Variants in MAML3 observed in about 807,000 individuals in gnomAD.
MAML3 encodes mastermind-like protein 3.
A neutral mutation model predicts 101.9 loss-of-function variants in MAML3; 27 were observed. That is an observed-to-expected ratio of 0.27 (90% CI 0.20 to 0.37). The LOEUF (loss-of-function observed/expected upper bound fraction) is 0.37. Among genes scored for constraint, MAML3 ranks in the 10% least tolerant of loss-of-function variants. MAML3 has a pLI of 1.00. For missense variants in MAML3, 1,316 were observed against 1,444.9 expected, an observed-to-expected ratio of 0.91 and a Z score of 1.45; for synonymous variants, 501 against 555.9, an observed-to-expected ratio of 0.90 and a Z score of 1.39.
At chr4:139,873,044 T>C (rs1009251824) in intron 2 of MAML3, among the ~76,000 whole-genome samples, 2 of 152,094 alleles carry the variant, frequency 1.3e-5, no homozygotes, top group African/African-American at 4.8e-5. Context: ...ATTGTGCCAC[T>C]GCACTCCAGC....
At chr4:139,832,281 T>TA (rs1731181618) in intron 2 of MAML3, among the ~76,000 whole-genome samples, 1 of 143,542 alleles carries the variant, frequency 7.0e-6, no homozygotes, top group African/African-American at 2.9e-5. Context: ...TTTTTTTTTT[T>TA]ATTTTTATTT....
chr4:139,868,077 G>A (rs191321603), intron 2 of MAML3, among the ~76,000 whole-genome samples: 2 of 152,354 alleles, frequency 1.3e-5, no homozygotes, highest in Admixed American at 1.3e-4. Flanking sequence ...GGGAAACAGG[G>A]AAACACATCT....
chr4:140,050,529 C>G (rs1303420993), intron 1 of MAML3, among the ~76,000 whole-genome samples: 1 of 151,564 alleles, frequency 6.6e-6, no homozygotes, highest in Non-Finnish European at 1.5e-5. Flanking sequence ...AGCTGTACAT[C>G]CTCGCACCGC....
At chr4:140,131,673 T>C (rs1728796722) in intron 1 of MAML3, among the ~76,000 whole-genome samples, 1 of 152,224 alleles carries the variant, frequency 6.6e-6, no homozygotes, top group Admixed American at 6.5e-5. Flanking sequence ...CTCTTCCATC[T>C]AGCTCTCCCC....
At chr4:139,782,854 T>C (rs978886069) in intron 2 of MAML3, among the ~76,000 whole-genome samples, 10 of 152,160 alleles carry the variant, frequency 6.6e-5, no homozygotes, top group African/African-American at 1.9e-4. Flanking sequence ...GGAATCACCT[T>C]TCACCTAAAA....
At chr4:140,118,297 T>G (rs1173592852) in intron 1 of MAML3, among the ~76,000 whole-genome samples, 1 of 152,080 alleles carries the variant, frequency 6.6e-6, no homozygotes, top group Non-Finnish European at 1.5e-5. Context: ...ATCCAGTCAC[T>G]TAGCCTCTCT....
At chr4:139,839,559 G>A (rs112038422) in intron 2 of MAML3, among the ~76,000 whole-genome samples, 3 of 151,800 alleles carry the variant, frequency 2.0e-5, no homozygotes, top group African/African-American at 4.8e-5. Context: ...CAGATATGCA[G>A]CGTGTGTGTA....
intron 1 of MAML3, among the ~76,000 whole-genome samples, chr4:140,070,486 A>C (rs2110952515): frequency 6.6e-6 from 1 of 152,336 alleles, no homozygotes; most frequent in South Asian, 2.1e-4. Flanking sequence ...CTCTAGAAGA[A>C]CAAAAAGAGA....
intron 3 of MAML3, among the ~76,000 whole-genome samples, chr4:139,728,308 G>A (rs1728559028): frequency 6.6e-6 from 1 of 152,206 alleles, no homozygotes; most frequent in Admixed American, 6.5e-5. Flanking sequence ...TCAGGTACAG[G>A]CAAGACGCTC....
chr4:139,925,311 C>G (rs887467836), intron 1 of MAML3, among the ~76,000 whole-genome samples: 1 of 152,146 alleles, frequency 6.6e-6, no homozygotes, highest in African/African-American at 2.4e-5. Context: ...CTCACTGCAA[C>G]CTTTGCCTCC....
At chr4:140,104,155 T>C (rs10084794) in intron 1 of MAML3, among the ~76,000 whole-genome samples, 144,005 of 150,082 alleles carry the variant, frequency 0.96, 69,358 homozygotes, top group South Asian at 1. Context: ...GAGGCCAAGG[T>C]GGGAGGATCA....
rs76905158 is a variant in MAML3 at position 140,037,614 on chromosome 4, G to A, written c.468+115246C>T. 2.5e-4 allele frequency among the ~76,000 whole-genome samples: 38 copies of A among 152,216 alleles called. No individual in the cohort carries two copies. In the East Asian group the frequency reaches 2.9e-3, roughly 12 times the overall value. On this transcript the variant is annotated intron_variant, in intron 1 of 4. Coordinates refer to ENST00000509479, the MANE Select transcript of MAML3 (RefSeq NM_018717.5). Reference sequence around the variant, plus strand: ...CAGCTTCAGTTTTGAACAAACAAACGCACGTCTTCATTCAGCACAAAGCTA... The same window carrying A: ...CAGCTTCAGTTTTGAACAAACAAACACACGTCTTCATTCAGCACAAAGCTA...
intron 2 of MAML3, among the ~76,000 whole-genome samples, chr4:139,776,860 G>A (rs2111074893): frequency 6.6e-6 from 1 of 152,224 alleles, no homozygotes; most frequent in East Asian, 1.9e-4. Context: ...TCCTACTTTG[G>A]CTCCAGCATC....
At chr4:140,006,080 T>G (rs912453842) in intron 1 of MAML3, among the ~76,000 whole-genome samples, 1 of 152,222 alleles carries the variant, frequency 6.6e-6, no homozygotes, top group African/African-American at 2.4e-5. Context: ...AGGCTGCCAC[T>G]TGAGATATCG....
At chr4:139,925,389 C>T (rs1733201434) in intron 1 of MAML3, among the ~76,000 whole-genome samples, 1 of 152,118 alleles carries the variant, frequency 6.6e-6, no homozygotes, top group African/African-American at 2.4e-5. Context: ...GCTACCACAC[C>T]CAGCTAATTT....
At chr4:140,003,562 C>T (rs546725069) in intron 1 of MAML3, among the ~76,000 whole-genome samples, 1 of 152,246 alleles carries the variant, frequency 6.6e-6, no homozygotes, top group African/African-American at 2.4e-5. Context: ...ATACAGTGTC[C>T]TATCTCACTG....
chr4:140,135,171 A>G (rs914207816), intron 1 of MAML3, among the ~76,000 whole-genome samples: 4 of 152,248 alleles, frequency 2.6e-5, no homozygotes, highest in African/African-American at 9.6e-5. Context: ...TGCTGGCTTC[A>G]CACATTTAAA....
At chr4:139,901,596 T>C (rs961631435) in intron 1 of MAML3, among the ~76,000 whole-genome samples, 2 of 151,928 alleles carry the variant, frequency 1.3e-5, no homozygotes, top group Non-Finnish European at 2.9e-5. Context: ...GTAAAGGAGG[T>C]TGGTGAGGAA....
chr4:139,889,786 T>C lies in MAML3; in HGVS notation c.1650A>G (p.Gln550=). Residue 550 remains glutamine, a synonymous_variant, in exon 2 of 5, where the codon CAA becomes CAG. Coordinates refer to ENST00000509479, the MANE Select transcript of MAML3 (RefSeq NM_018717.5). Reference sequence around the variant, plus strand: ...TTGCCATTGGAGGCACTATAGGGTTTTGGTTGTTAAAGGCTTGGGGGTACA... The same window carrying C: ...TTGCCATTGGAGGCACTATAGGGTTCTGGTTGTTAAAGGCTTGGGGGTACA... ...PMMYPQAFNN[Q]NPIVPPMANN... 2 of 1,614,016 alleles carry C rather than the reference T, an allele frequency of 1.2e-6. No homozygotes were observed. The highest frequency in any genetic ancestry group is 1.7e-6 in the Non-Finnish European group (2 of 1,179,884).
Sources: allele counts gnomAD v4.1 joint callset (sites outside exome capture counted in the v4.1 genomes callset), GRCh38; gene constraint gnomAD v4.1.1; transcripts MANE v1.5; gene names NCBI Gene and HGNC (gene_info 2026-07-23, HGNC 2026-07-21).